The following MIR2052HG variants were observed in gnomAD, a reference collection of about 807,000 sequenced individuals.
The protein encoded by MIR2052HG is MIR2052 host gene.
At chr8:74,694,699 T>C (rs895348230) in intron 2 of MIR2052HG, among the ~76,000 whole-genome samples, 1 of 152,116 alleles carries the variant, frequency 6.6e-6, no homozygotes, top group African/African-American at 2.4e-5. Flanking sequence ...CAATATACAC[T>C]GGAAAGTCTC....
chr8:74,617,240 T>C (rs1333090750), intron 2 of MIR2052HG, among the ~76,000 whole-genome samples: 3 of 152,236 alleles, frequency 2.0e-5, no homozygotes, highest in East Asian at 3.9e-4. Flanking sequence ...CTCACTCCCT[T>C]CCACCCTTCC....
chr8:74,717,604 T>G (rs1378953633), intron 4 of MIR2052HG, among the ~76,000 whole-genome samples: 1 of 152,048 alleles, frequency 6.6e-6, no homozygotes, highest in Non-Finnish European at 1.5e-5. Flanking sequence ...GATCCCATAA[T>G]GCCAGGAATT....
At chr8:74,733,056 T>A (rs1438252003) in intron 4 of MIR2052HG, among the ~76,000 whole-genome samples, 2 of 144,828 alleles carry the variant, frequency 1.4e-5, no homozygotes, top group African/African-American at 5.5e-5. Context: ...AGACATTTAT[T>A]TATTTATTTA....
chr8:74,669,160 A>G (rs1392817380), intron 2 of MIR2052HG, among the ~76,000 whole-genome samples: 5 of 152,140 alleles, frequency 3.3e-5, no homozygotes, highest in Non-Finnish European at 7.4e-5. Context: ...TGAATCCTTG[A>G]TTTTTACGCC....
At chr8:74,659,066 C>T (rs7007885) in intron 2 of MIR2052HG, among the ~76,000 whole-genome samples, 16,363 of 152,190 alleles carry the variant, frequency 0.11, 1,998 homozygotes, top group African/African-American at 0.3. Context: ...GAAAGTTATG[C>T]GCACTGTTTT....
At chr8:74,616,379 TTTTCATGTAAA>T (rs1808282508) in intron 2 of MIR2052HG, among the ~76,000 whole-genome samples, 1 of 149,492 alleles carries the variant, frequency 6.7e-6, no homozygotes, top group South Asian at 2.1e-4. Context: ...ATGAGCATTT[TTTTCATGTAAA>T]TGCTCATCGT....
At chr8:74,671,523 G>A (rs1808992372) in intron 2 of MIR2052HG, among the ~76,000 whole-genome samples, 1 of 151,996 alleles carries the variant, frequency 6.6e-6, no homozygotes, top group Non-Finnish European at 1.5e-5. Flanking sequence ...CATTTTAAAA[G>A]CTGAGGATCC....
At chr8:74,697,923 C>G (rs1407119089) in intron 2 of MIR2052HG, among the ~76,000 whole-genome samples, 1 of 152,172 alleles carries the variant, frequency 6.6e-6, no homozygotes. Flanking sequence ...TGAAAATGAT[C>G]ATGCTGCCAA....
chr8:74,637,484 A>G (rs1808596031), intron 2 of MIR2052HG, among the ~76,000 whole-genome samples: 1 of 152,094 alleles, frequency 6.6e-6, no homozygotes, highest in Non-Finnish European at 1.5e-5. Flanking sequence ...CTTGCTCACA[A>G]ATCAGTTTTA....
chr8:74,613,952 C>T (rs536551098), intron 2 of MIR2052HG, among the ~76,000 whole-genome samples: 2 of 152,276 alleles, frequency 1.3e-5, no homozygotes, highest in South Asian at 2.1e-4. Flanking sequence ...TTGATGGAGA[C>T]AGTAGTTTTA....
At chr8:74,746,894 A>G (rs1367476363) in intron 4 of MIR2052HG, among the ~76,000 whole-genome samples, 2 of 152,108 alleles carry the variant, frequency 1.3e-5, no homozygotes, top group Non-Finnish European at 2.9e-5. Context: ...AAAAAAAGAG[A>G]CTAGCAAAAA....
At position 74,691,569 on chromosome 8, in the gene MIR2052HG, G is replaced by A. The variant is rs1255134482; in HGVS notation, n.217-10810G>A. Among the ~76,000 whole-genome samples, 9 of 152,206 alleles carry A rather than the reference G, an allele frequency of 5.9e-5. No individual in the cohort carries two copies. In the South Asian group the frequency reaches 1.5e-3, roughly 25 times the overall value. The stretch of plus-strand genomic sequence containing the variant: ...AGTGATAAATAGAGCTGGGAGCTGC[G>A]AACAATGTTTAAACTTAGATGAGCC... On this transcript the variant is annotated intron_variant and non_coding_transcript_variant, in intron 2 of 6. Coordinates refer to ENST00000523442, the Ensembl canonical transcript of MIR2052HG.
chr8:74,749,383 A>T (rs1485589759), intron 4 of MIR2052HG, among the ~76,000 whole-genome samples: 2 of 152,002 alleles, frequency 1.3e-5, no homozygotes, highest in African/African-American at 2.4e-5. Context: ...GGATGATGCC[A>T]CTTCCTATCA....
At chr8:74,736,860 C>T (rs1277301341) in intron 4 of MIR2052HG, among the ~76,000 whole-genome samples, 1 of 152,136 alleles carries the variant, frequency 6.6e-6, no homozygotes, top group Non-Finnish European at 1.5e-5. Context: ...CCCTCCGGGA[C>T]CATTTCTGAG....
intron 2 of MIR2052HG, among the ~76,000 whole-genome samples, chr8:74,660,503 C>G (rs556998479): frequency 3.4e-4 from 52 of 152,132 alleles, no homozygotes; most frequent in Non-Finnish European, 5.3e-4. Context: ...AACACATACT[C>G]CAGGATTCAC....
intron 4 of MIR2052HG, among the ~76,000 whole-genome samples, chr8:74,725,575 C>T (rs946168425): frequency 3.3e-5 from 5 of 152,132 alleles, no homozygotes; most frequent in African/African-American, 1.2e-4. Flanking sequence ...ATATTCCTGA[C>T]CTAATGGATG....
chr8:74,638,058 A>G (rs963566806), intron 2 of MIR2052HG, among the ~76,000 whole-genome samples: 1 of 152,180 alleles, frequency 6.6e-6, no homozygotes, highest in Non-Finnish European at 1.5e-5. Context: ...ACAAAAAATT[A>G]TAGGGATATT....
chr8:74,744,616 AT>A (rs1809865111), intron 4 of MIR2052HG, among the ~76,000 whole-genome samples: 1 of 151,852 alleles, frequency 6.6e-6, no homozygotes, highest in Non-Finnish European at 1.5e-5. Context: ...GAGAATGATG[AT>A]TTCCAATTTC....
exon 5 of MIR2052HG, chr8:74,752,447 G>A (rs556239386): frequency 1.4e-5 from 6 of 444,358 alleles, no homozygotes; most frequent in Admixed American, 4.9e-5. Flanking sequence ...CTAGGCCCGC[G>A]TTCAGTCCAG....
Sources: gnomAD v4.1 joint callset for allele counts (sites outside exome capture counted in the v4.1 genomes callset) on GRCh38, gnomAD v4.1.1 for gene constraint, MANE v1.5 for transcripts, NCBI Gene and HGNC (gene_info 2026-07-23, HGNC 2026-07-21) for gene names.